The following COG2 variants were observed in gnomAD, a reference collection of about 807,000 sequenced individuals.
COG2 encodes component of oligomeric golgi complex 2.
In COG2, 52 loss-of-function variants were observed where a neutral mutation model predicts 90.6. The ratio of observed to expected loss-of-function variants is 0.57; its 90% confidence interval spans 0.46 to 0.72. The LOEUF (loss-of-function observed/expected upper bound fraction) is 0.72. Among genes scored for constraint, COG2 ranks in the 30% least tolerant of loss-of-function variants. The pLI is 0.00. For missense variants in COG2, 829 were observed against 891.2 expected (o/e 0.93, Z 0.89); for synonymous variants, 337 against 320.4 (o/e 1.05, Z -0.55).
intron 1 of COG2, among the ~76,000 whole-genome samples, chr1:230,657,561 G>A (rs1278078467): frequency 1.3e-5 from 2 of 152,014 alleles, no homozygotes; most frequent in Non-Finnish European, 2.9e-5. Flanking sequence ...TGCTCTTCTC[G>A]AGGAGCATCT....
chr1:230,649,505 C>T (rs962418892), intron 1 of COG2, among the ~76,000 whole-genome samples: 40 of 152,176 alleles, frequency 2.6e-4, no homozygotes, highest in African/African-American at 8.7e-4. Flanking sequence ...TTTCATCACT[C>T]GCTTTCATAG....
At chr1:230,668,813 T>C in intron 6 of COG2, 29 bp downstream of exon 6, 1 of 1,399,230 alleles carries the variant, frequency 7.1e-7, no homozygotes. Context: ...TTCCACAGTT[T>C]GGTGTTTAGG....
At chr1:230,666,248 T>C (rs1662319273) in intron 5 of COG2, among the ~76,000 whole-genome samples, 1 of 152,174 alleles carries the variant, frequency 6.6e-6, no homozygotes, top group Non-Finnish European at 1.5e-5. Flanking sequence ...TAGGAAACGG[T>C]GCCTTTATTT....
chr1:230,684,667 ACTT>A (rs905371052), intron 11 of COG2, among the ~76,000 whole-genome samples: 4 of 152,192 alleles, frequency 2.6e-5, no homozygotes, highest in African/African-American at 7.2e-5. Flanking sequence ...TATGTAGTTA[ACTT>A]CTTCTATAAA....
Position 230,669,453 on chromosome 1 carries a change from T to C in COG2, c.692T>C (p.Leu231Ser). 3 of 1,614,078 alleles carry C rather than the reference T, an allele frequency of 1.9e-6. No homozygotes were observed. The highest frequency in any genetic ancestry group is 2.5e-6 in the Non-Finnish European group (3 of 1,179,972). ...TSDVDIIRHC[L>S]RTYATIDKTR... is the part of the protein sequence containing the mutation. The stretch of plus-strand genomic sequence containing the variant: ...GACGTCGATATAATACGGCACTGCT[T>C]GCGGACTTACGCCACGATTGACAAG... The change falls in exon 7 of 18, where the codon TTG becomes TCG. Residue 231 changes from leucine (L) to serine (S), a missense_variant. By Grantham distance (145) the Leu-to-Ser change is moderately radical. Transcript: ENST00000366669.
chr1:230,685,121 C>G lies in COG2; in HGVS notation c.1265C>G (p.Thr422Ser). ...TATTGCCTTTTGGCTTCTCATAGAACTTGGAGCAGCCTTAGGAGGTGTTGG... is the reference window on the plus strand; with the variant it reads ...TATTGCCTTTTGGCTTCTCATAGAAGTTGGAGCAGCCTTAGGAGGTGTTGG... ...SPYCLLASHR[T>S]WSSLRRCWSD... The change falls in exon 12 of 18, where the codon ACT (threonine) becomes AGT (serine). Residue 422 changes from threonine to serine, a missense_variant. By Grantham distance (58) the Thr-to-Ser change is moderately conservative (BLOSUM62 1). Coordinates refer to ENST00000366669, the MANE Select transcript of COG2 (RefSeq NM_007357.3). 2 of 1,614,156 alleles carry G rather than the reference C, an allele frequency of 1.2e-6. No individual in the cohort carries two copies. The highest frequency in any genetic ancestry group is 1.7e-6 in the Non-Finnish European group (2 of 1,180,012).
chr1:230,685,225 T>C lies in COG2; in HGVS notation c.1369T>C (p.Phe457Leu). ...TLQILARYSVFVNELSLRPIS... is the reference protein window; with the variant it reads ...TLQILARYSVLVNELSLRPIS... ...GCAGATTTTGGCACGATACTCTGTG[T>C]TTGTCAATGAGGTAAGGGCTGGCTG... Residue 457 changes from phenylalanine to leucine, a missense_variant, in exon 12 of 18, where the codon TTT (phenylalanine) becomes CTT (leucine). Phe to Leu is a conservative substitution (Grantham distance 22). Transcript: ENST00000366669. 2 of 1,614,194 alleles carry C rather than the reference T, an allele frequency of 1.2e-6. No homozygotes were observed. Among genetic ancestry groups the C allele is most frequent in the Non-Finnish European group, 1.7e-6 (2 of 1,180,030 alleles).
chr1:230,669,661 C>A, intron 7 of COG2, 126 bp downstream of exon 7: 1 of 822,840 alleles, frequency 1.2e-6, no homozygotes, highest in Non-Finnish European at 1.8e-6. Context: ...TCCTACAGTA[C>A]CAGCTATAAG....
intron 10 of COG2, chr1:230,680,515 T>G (rs1207727106): frequency 6.6e-6 from 1 of 152,198 alleles, no homozygotes; most frequent in African/African-American, 2.4e-5. Context: ...TGGCTTCAGC[T>G]GCATCTCCCT....
intron 11 of COG2, 140 bp downstream of exon 11, chr1:230,683,775 C>A: frequency 3.2e-6 from 2 of 622,454 alleles, no homozygotes; most frequent in Admixed American, 2.9e-5. Flanking sequence ...CCTTAAAAAT[C>A]ACTTAGTTTG....
intron 16 of COG2, among the ~76,000 whole-genome samples, chr1:230,690,677 G>C (rs1384185671): frequency 6.6e-6 from 1 of 152,094 alleles, no homozygotes; most frequent in Non-Finnish European, 1.5e-5. Context: ...AAATCAAAAA[G>C]TGTGTTACTC....
At chr1:230,664,087 G>A (rs572710880) in intron 4 of COG2, among the ~76,000 whole-genome samples, 1 of 152,192 alleles carries the variant, frequency 6.6e-6, no homozygotes, top group African/African-American at 2.4e-5. Context: ...TACTTGGGAG[G>A]CTGAGGTGGG....
chr1:230,692,705 G>T (rs1373477492), intron 17 of COG2, among the ~76,000 whole-genome samples: 1 of 150,610 alleles, frequency 6.6e-6, no homozygotes, highest in Admixed American at 6.6e-5. Context: ...GAGACTTGGT[G>T]TGTATCTTCC....
intron 1 of COG2, among the ~76,000 whole-genome samples, chr1:230,654,993 T>G (rs1299129930): frequency 6.6e-6 from 1 of 152,212 alleles, no homozygotes; most frequent in Non-Finnish European, 1.5e-5. Context: ...AAGGAGATTT[T>G]GGGCTGAGAT....
At chr1:230,693,174 A>G in intron 17 of COG2, 118 bp from the exon 18 acceptor site, 1 of 607,682 alleles carries the variant, frequency 1.6e-6, no homozygotes, top group African/African-American at 1.9e-5. Flanking sequence ...AATATCCTAC[A>G]AGTCTTCAGG....
chr1:230,687,470 C>G (rs1245489447), intron 13 of COG2, among the ~76,000 whole-genome samples: 2 of 152,170 alleles, frequency 1.3e-5, no homozygotes, highest in African/African-American at 4.8e-5. Context: ...ATTAGCTCAC[C>G]TTATTCTGGT....
chr1:230,671,439 T>C, intron 7 of COG2, 77 bp from the exon 8 acceptor site: 1 of 1,357,554 alleles, frequency 7.4e-7, no homozygotes, highest in Admixed American at 2.2e-5. Flanking sequence ...AAAGTTTTCT[T>C]TATTGTTTTC....
intron 12 of COG2, among the ~76,000 whole-genome samples, chr1:230,685,595 A>T (rs889837281): frequency 2.6e-5 from 4 of 152,242 alleles, no homozygotes; most frequent in African/African-American, 9.6e-5. Flanking sequence ...ATAAAAATAT[A>T]TGCATTTTAA....
At chr1:230,645,210 T>C (rs1456659935) in intron 1 of COG2, among the ~76,000 whole-genome samples, 1 of 125,694 alleles carries the variant, frequency 8.0e-6, no homozygotes, top group Non-Finnish European at 1.6e-5. Flanking sequence ...CACTTCAGCC[T>C]GGGCAACAGA....
Sources: allele counts gnomAD v4.1 joint callset (sites outside exome capture counted in the v4.1 genomes callset), GRCh38; gene constraint gnomAD v4.1.1; transcripts MANE v1.5; gene names NCBI Gene and HGNC (gene_info 2026-07-23, HGNC 2026-07-21).